The following SUMF1 variants were observed in gnomAD, a reference collection of about 807,000 sequenced individuals.
SUMF1 encodes sulfatase modifying factor 1.
A neutral mutation model predicts 47.6 loss-of-function variants in SUMF1; 48 were observed. The observed-to-expected ratio is 1.01, with a 90% confidence interval of 0.80 to 1.28. The LOEUF is 1.28. SUMF1 is among the 50% of genes most tolerant of loss of function. The pLI is 0.00. For synonymous variants in SUMF1, 230 were observed against 192.1 expected (o/e 1.20, Z -1.63); for missense variants, 571 against 485.4 (o/e 1.18, Z -1.66).
intron 7 of SUMF1, among the ~76,000 whole-genome samples, chr3:4,377,276 C>A (rs958131813): frequency 2.0e-5 from 3 of 151,464 alleles, no homozygotes; most frequent in Admixed American, 1.3e-4. Context: ...TTTTGACAAA[C>A]ATATATAGTC....
chr3:4,354,488 G>A (rs77771883), intron 8 of SUMF1, among the ~76,000 whole-genome samples: 4,931 of 152,258 alleles, frequency 0.032, 274 homozygotes, highest in African/African-American at 0.11. Context: ...AATACCCAGA[G>A]TTTCACAATA....
At chr3:4,249,081 C>T (rs1194194309) in intron 8 of SUMF1, among the ~76,000 whole-genome samples, 1 of 152,224 alleles carries the variant, frequency 6.6e-6, no homozygotes, top group African/African-American at 2.4e-5. Flanking sequence ...CACATGGGGT[C>T]ACCTGCTCCT....
chr3:4,245,302 G>T (rs575477059), intron 8 of SUMF1, among the ~76,000 whole-genome samples: 1 of 151,554 alleles, frequency 6.6e-6, no homozygotes, highest in South Asian at 2.1e-4. Flanking sequence ...GTATTCCTTT[G>T]GAGGAGAAGA....
At chr3:4,181,945 C>T (rs994585614) in intron 8 of SUMF1, among the ~76,000 whole-genome samples, 1 of 152,128 alleles carries the variant, frequency 6.6e-6, no homozygotes, top group African/African-American at 2.4e-5. Context: ...CAGAACCTGG[C>T]CTTCCAAGTC....
At chr3:4,109,264 C>G (rs1437132272) in intron 8 of SUMF1, among the ~76,000 whole-genome samples, 1 of 152,210 alleles carries the variant, frequency 6.6e-6, no homozygotes, top group Non-Finnish European at 1.5e-5. Flanking sequence ...CCACTCTCTT[C>G]TGGCTTGTAG....
At position 4,197,516 on chromosome 3, in the gene SUMF1, A is replaced by C. The variant is rs749644196; in HGVS notation, c.1015-128771T>G. On this transcript the variant is annotated intron_variant and NMD_transcript_variant, in intron 8 of 12. Transcript: ENST00000448413. ...ATAGTCTAAGGAAAGGTTTTGAGGA[A>C]GGAATAAACTTCTGAGACAGAGAAG... Among the ~76,000 whole-genome samples, 13 of 152,284 alleles carry C rather than the reference A, an allele frequency of 8.5e-5. No individual in the cohort carries two copies. In the South Asian group the frequency reaches 1.2e-3, roughly 15 times the overall value.
chr3:4,350,944 GA>G lies in SUMF1; in HGVS notation c.1014+25385del, dbSNP rs201910548. Among the ~76,000 whole-genome samples, 331 of 143,810 alleles carry G rather than the reference GA, an allele frequency of 2.3e-3. 4 individuals carry two copies. The highest frequency in any genetic ancestry group is 6.2e-3 in the African/African-American group (246 of 39,776). The allele number at this position is 143,810 out of a possible 152,430, so 94.3% of individuals were successfully genotyped here. ...AGAGATCATTTGTACAACAAAAAAA[GA>G]AAAAAAAAAATCAAACCAATACAAC... On this transcript the variant is annotated intron_variant and NMD_transcript_variant, in intron 8 of 12. Transcript: ENST00000448413.
intron 8 of SUMF1, among the ~76,000 whole-genome samples, chr3:4,120,927 G>C (rs1185690231): frequency 6.6e-6 from 1 of 152,170 alleles, no homozygotes; most frequent in African/African-American, 2.4e-5. Flanking sequence ...CAGGATAATT[G>C]TGAGGGCATG....
chr3:4,453,321 G>A (rs1297524543), intron 1 of SUMF1, among the ~76,000 whole-genome samples: 5 of 152,050 alleles, frequency 3.3e-5, no homozygotes, highest in Non-Finnish European at 7.3e-5. Context: ...TGGAATAACA[G>A]TCACCAAGCC....
Position 4,362,154 on chromosome 3 carries a change from G to A in SUMF1, c.1115C>T (p.Thr372Ile), listed in dbSNP as rs1245354046. 1 of 1,614,108 alleles carries A rather than the reference G, an allele frequency of 6.2e-7. No individual in the cohort carries two copies. Among genetic ancestry groups the A allele is most frequent in the Non-Finnish European group, 8.5e-7 (1 of 1,180,002 alleles). ...GACTTTCCTTGGTTGTCAGTCCATAGTGGGCAGGCGGTCGGCTGCACAGCG... is the reference window on the plus strand; with the variant it reads ...GACTTTCCTTGGTTGTCAGTCCATAATGGGCAGGCGGTCGGCTGCACAGCG... The part of the protein sequence containing the change: ...GFRCAADRLP[T>I]MD Residue 372 changes from threonine to isoleucine, a missense_variant, in exon 9 of 9, where the codon ACT becomes ATT. Physicochemically the swap from Thr to Ile is moderately conservative, Grantham distance 89. Coordinates refer to ENST00000272902, the MANE Select transcript of SUMF1 (RefSeq NM_182760.4).
chr3:4,429,137 G>A (rs1702157440), intron 3 of SUMF1, among the ~76,000 whole-genome samples: 1 of 152,142 alleles, frequency 6.6e-6, no homozygotes, highest in African/African-American at 2.4e-5. Context: ...TTTTGCTTCT[G>A]CTAAATTTCC....
intron 8 of SUMF1, among the ~76,000 whole-genome samples, chr3:4,231,857 A>G (rs1696306495): frequency 6.6e-6 from 1 of 152,162 alleles, no homozygotes; most frequent in Non-Finnish European, 1.5e-5. Flanking sequence ...GAATTTTATC[A>G]CATAAAGAAT....
chr3:4,457,052 G>A (rs1303775057), intron 1 of SUMF1, among the ~76,000 whole-genome samples: 11 of 101,558 alleles, frequency 1.1e-4, no homozygotes, highest in South Asian at 5.3e-4. Context: ...ATATATATAC[G>A]TGTGTGTATA....
At chr3:4,297,715 GTTC>G (rs776407475) in intron 8 of SUMF1, among the ~76,000 whole-genome samples, 2 of 152,002 alleles carry the variant, frequency 1.3e-5, no homozygotes, top group African/African-American at 2.4e-5. Context: ...GGCCGTGATA[GTTC>G]TTATTAGAAG....
chr3:4,301,231 A>G lies in SUMF1; in HGVS notation c.1014+75099T>C, dbSNP rs1399922325. Among the ~76,000 whole-genome samples the G allele has an allele frequency of 3.3e-5, 5 of 152,296 alleles. 1 individual carries two copies. Among genetic ancestry groups the G allele is most frequent in the Admixed American group, 3.3e-4 (5 of 15,300 alleles). ...GGGTAAAGGCACTGGAGATACAAGAACAATGTGGACAAAGGCCCAGAGGCC... is the reference window on the plus strand; with the variant it reads ...GGGTAAAGGCACTGGAGATACAAGAGCAATGTGGACAAAGGCCCAGAGGCC... On this transcript the variant is annotated intron_variant and NMD_transcript_variant, in intron 8 of 12. Transcript: ENST00000448413.
At chr3:4,386,901 T>A (rs1397447238) in intron 7 of SUMF1, among the ~76,000 whole-genome samples, 1 of 151,856 alleles carries the variant, frequency 6.6e-6, no homozygotes, top group Non-Finnish European at 1.5e-5. Context: ...TTATGGTAGA[T>A]TACACTGACT....
intron 8 of SUMF1, among the ~76,000 whole-genome samples, chr3:4,239,709 T>C (rs1559600707): frequency 6.6e-6 from 1 of 152,192 alleles, no homozygotes; most frequent in Non-Finnish European, 1.5e-5. Flanking sequence ...AATCATATCA[T>C]CTGCAAACAG....
chr3:4,376,112 G>A (rs1348049311), intron 8 of SUMF1, among the ~76,000 whole-genome samples: 1 of 152,174 alleles, frequency 6.6e-6, no homozygotes, highest in Admixed American at 6.5e-5. Context: ...GATGAAATTT[G>A]GTTGACAATA....
At chr3:4,349,423 T>C (rs144956169) in intron 8 of SUMF1, among the ~76,000 whole-genome samples, 2,968 of 152,280 alleles carry the variant, frequency 0.019, 93 homozygotes, top group African/African-American at 0.063. Context: ...GAAGACAGTA[T>C]GGTGATTCCC....
Sources: gnomAD v4.1 joint callset for allele counts (sites outside exome capture counted in the v4.1 genomes callset) on GRCh38, gnomAD v4.1.1 for gene constraint, MANE v1.5 for transcripts, NCBI Gene and HGNC (gene_info 2026-07-23, HGNC 2026-07-21) for gene names.